Variants in AKAP1 observed in about 807,000 individuals in gnomAD.
AKAP1 encodes A-kinase anchor protein 1, mitochondrial.
In AKAP1, 32 loss-of-function variants were observed where a neutral mutation model predicts 79.8. The ratio of observed to expected loss-of-function variants is 0.40; its 90% CI spans 0.30 to 0.54. The LOEUF (loss-of-function observed/expected upper bound fraction) is 0.54. Ranked by LOEUF, AKAP1 falls within the 20% of genes least tolerant of loss-of-function variation. The pLI, the probability that AKAP1 is intolerant of heterozygous loss-of-function variation, is 0.47. For missense variants in AKAP1, 961 were observed against 1,138.9 expected, an observed-to-expected ratio of 0.84 and a Z score of 2.25; for synonymous variants, 416 against 466.7, an observed-to-expected ratio of 0.89 and a Z score of 1.40.
At chr17:57,097,601 G>T (rs1269192584) in intron 1 of AKAP1, among the ~76,000 whole-genome samples, 2 of 152,218 alleles carry the variant, frequency 1.3e-5, no homozygotes, top group African/African-American at 2.4e-5. Context: ...CTGGGCTTTA[G>T]GTTCTGATTC....
chr17:57,117,507 A>G (rs1048649555), intron 8 of AKAP1, among the ~76,000 whole-genome samples: 1 of 152,170 alleles, frequency 6.6e-6, no homozygotes, highest in Non-Finnish European at 1.5e-5. Context: ...TAGGAATTTT[A>G]TATTTGTAGG....
chr17:57,089,055 C>G (rs1430280964), intron 1 of AKAP1, among the ~76,000 whole-genome samples: 7 of 152,238 alleles, frequency 4.6e-5, no homozygotes, highest in Admixed American at 4.6e-4. Flanking sequence ...CTGGGACTTG[C>G]TGCAGCTCTC....
chr17:57,120,898 A>G lies in AKAP1; in HGVS notation c.*574A>G, dbSNP rs1915885417. 2 of 152,866 alleles carry G rather than the reference A, an allele frequency of 1.3e-5. No individual in the cohort carries two copies. The highest frequency in any genetic ancestry group is 2.9e-5 in the Non-Finnish European group (2 of 68,188). The allele number at this position is 152,866 out of a possible 1,614,324, so 9.5% of individuals were successfully genotyped here. On this transcript the variant is annotated 3_prime_UTR_variant, in exon 11 of 11. Coordinates refer to ENST00000337714, the MANE Select transcript of AKAP1 (RefSeq NM_003488.4). ...TTGCAACTGTAAATATGAAATGGTC[A>G]TCACATCTGACCTTGGTCAGTGGGG...
In AKAP1 at chr17:57,105,476, G is replaced by C; in HGVS notation, c.12G>C (p.Gln4His). ...TTCAAGCCTCCAGGATGGCAATCCA[G>C]TTCCGTTCGCTCTTCCCCTTGGCAT... MAIQFRSLFPLALP... is the reference protein window; with the variant it reads MAIHFRSLFPLALP... Residue 4 changes from glutamine to histidine, a missense_variant, in exon 2 of 11, where the codon CAG (glutamine) becomes CAC (histidine). Physicochemically the swap from Gln to His is conservative, Grantham distance 24. Around this residue, in one of 3 missense-constraint regions of AKAP1, gnomAD observed 108 missense variants for 147.6 expected, o/e 0.73. Coordinates refer to ENST00000337714, the MANE Select transcript of AKAP1 (RefSeq NM_003488.4). 1 of 1,613,960 alleles carries C rather than the reference G, an allele frequency of 6.2e-7. No homozygotes were observed. Among genetic ancestry groups the C allele is most frequent in the South Asian group, 1.1e-5 (1 of 91,066 alleles).
At chr17:57,116,289 A>T (rs764430676) in intron 7 of AKAP1, 28 bp downstream of exon 7, 6 of 1,613,208 alleles carry the variant, frequency 3.7e-6, no homozygotes, top group Non-Finnish European at 4.2e-6. Flanking sequence ...AGGCAGGCCT[A>T]CGCCCTGCTT....
chr17:57,119,520 C>T (rs1915787746), intron 10 of AKAP1, among the ~76,000 whole-genome samples: 1 of 152,082 alleles, frequency 6.6e-6, no homozygotes, highest in Non-Finnish European at 1.5e-5. Context: ...TTGAGACCAG[C>T]CTGGCCAACA....
At chr17:57,099,499 G>A (rs529523872) in intron 1 of AKAP1, among the ~76,000 whole-genome samples, 2 of 152,298 alleles carry the variant, frequency 1.3e-5, no homozygotes, top group African/African-American at 4.8e-5. Flanking sequence ...GGGACATCCT[G>A]GATTCTGTGG....
intron 10 of AKAP1, among the ~76,000 whole-genome samples, chr17:57,119,921 T>A (rs1399295772): frequency 1.4e-5 from 2 of 141,544 alleles, no homozygotes; most frequent in African/African-American, 2.6e-5. Context: ...AACCTCCGCC[T>A]CCGGGGTTCA....
chr17:57,113,006 C>T lies in AKAP1; in HGVS notation c.2103+388C>T, dbSNP rs112112903. The stretch of plus-strand genomic sequence containing the variant: ...GGACTAGAATCATGGGTTTGGATGG[C>T]GCTTGTTCTTTCTTCTGGTTGAGTC... On this transcript the variant is annotated intron_variant, in intron 5 of 10. Coordinates refer to ENST00000337714, the MANE Select transcript of AKAP1 (RefSeq NM_003488.4). Among the ~76,000 whole-genome samples, 9 of 152,278 alleles carry T rather than the reference C, an allele frequency of 5.9e-5. No homozygotes were observed. In the South Asian group the frequency reaches 1.0e-3, roughly 18 times the overall value.
At position 57,105,924 on chromosome 17, in the gene AKAP1, G is replaced by A. The variant is rs757577631; in HGVS notation, c.460G>A (p.Gly154Ser). The part of the protein sequence containing the change: ...PLECPLSSPK[G>S]VLFSSKSAEV... ...AGAGTGCCCCCTTTCATCCCCAAAG[G>A]GTGTACTATTCTCCAGCAAATCAGC... The change falls in exon 2 of 11, where the codon GGT becomes AGT. Residue 154 changes from glycine (G) to serine (S), a missense_variant. By Grantham distance (56) the Gly-to-Ser change is moderately conservative (BLOSUM62 0). Coordinates refer to ENST00000337714, the MANE Select transcript of AKAP1 (RefSeq NM_003488.4). The A allele has an allele frequency of 1.2e-6, 2 of 1,614,226 alleles. No homozygotes were observed. The highest frequency in any genetic ancestry group is 1.7e-6 in the Non-Finnish European group (2 of 1,180,050).
chr17:57,095,884 T>C (rs1010200824), intron 1 of AKAP1: 5 of 152,188 alleles, frequency 3.3e-5, no homozygotes, highest in African/African-American at 4.8e-5. Flanking sequence ...GCACCTGTGT[T>C]GTGACCATCT....
intron 2 of AKAP1, 43 bp from the exon 3 acceptor site, chr17:57,109,982 T>A: frequency 2.5e-6 from 4 of 1,600,762 alleles, no homozygotes; most frequent in Non-Finnish European, 3.4e-6. Flanking sequence ...CTGCTCTGAG[T>A]GGGGTCTGTG....
chr17:57,097,645 G>A (rs545920628), intron 1 of AKAP1, among the ~76,000 whole-genome samples: 1 of 152,360 alleles, frequency 6.6e-6, no homozygotes, highest in South Asian at 2.1e-4. Context: ...AAGGGGAAGA[G>A]TCCCTCAGCA....
intron 6 of AKAP1, among the ~76,000 whole-genome samples, chr17:57,114,882 A>AT (rs964932759): frequency 2.3e-4 from 34 of 146,910 alleles, no homozygotes; most frequent in Admixed American, 6.1e-4. Flanking sequence ...TCTGCCACTA[A>AT]TTTTTTTTTT....
rs115278789 is a variant in AKAP1 at position 57,091,545 on chromosome 17, C to A, written c.-25+6147C>A. Among the ~76,000 whole-genome samples the A allele has an allele frequency of 6.4e-3, 980 of 152,230 alleles. 6 individuals are homozygous for A. The highest frequency in any genetic ancestry group is 0.022 in the African/African-American group (934 of 41,520). ...GGCCCAGCCTGCCTCCTGGTGCAGG[C>A]AGGCATGTGACTGAGGCAGCCCGGG... On this transcript the variant is annotated intron_variant, in intron 1 of 10. Transcript: ENST00000337714.
intron 1 of AKAP1, among the ~76,000 whole-genome samples, chr17:57,103,343 C>T (rs1484296298): frequency 6.6e-6 from 1 of 152,244 alleles, no homozygotes; most frequent in Non-Finnish European, 1.5e-5. Flanking sequence ...CATTCCTTCA[C>T]AAACTGTAAG....
At chr17:57,098,325 TCTGCAGCATC>T (rs1406104944) in intron 1 of AKAP1, 1 of 152,268 alleles carries the variant, frequency 6.6e-6, no homozygotes, top group Non-Finnish European at 1.5e-5. Flanking sequence ...AGGGCAGGGC[TCTGCAGCATC>T]CTTCTGGGAG....
In AKAP1 at chr17:57,086,336, TGTGCCCTA is replaced by T. The variant is rs1232885825; in HGVS notation, c.-25+940_-25+947del. 2.3e-6 allele frequency: 1 copy of T among 437,302 alleles called. No individual in the cohort carries two copies. Among genetic ancestry groups the T allele is most frequent in the East Asian group, 7.3e-5 (1 of 13,692 alleles). 27.1% of individuals were successfully genotyped at this position (437,302 alleles called of 1,614,324 possible). A position where few individuals can be genotyped will look rare whatever the true frequency, so the allele number is the denominator to read the frequency against. ...CGGGCTTTCTGGCGTTCAACTCTTT[TGTGCCCTA>T]GCTGAAGGTCTTCCTGTTTCCCTTC... On this transcript the variant is annotated intron_variant, in intron 1 of 10. Coordinates refer to ENST00000337714, the MANE Select transcript of AKAP1 (RefSeq NM_003488.4). The surrounding 1 kb of genome is among the most constrained non-coding windows in gnomAD (Gnocchi z 5.1).
Position 57,106,320 on chromosome 17 carries a change from C to A in AKAP1, c.856C>A (p.Pro286Thr). Residue 286 changes from proline to threonine, a missense_variant, in exon 2 of 11, where the codon CCA (proline) becomes ACA (threonine). By Grantham distance (38) the Pro-to-Thr change is conservative (BLOSUM62 -1). This residue lies in a region of AKAP1 where 224 missense variants were observed against 210.2 expected (regional missense o/e 1.07). Transcript: ENST00000337714. The part of the protein sequence containing the change: ...HTELAKDDAA[P>T]APPVADAKAQ... ...AGAGCTGGCAAAGGACGATGCGGCGCCAGCACCCCCAGTCGCAGACGCCAA... is the reference window on the plus strand; with the variant it reads ...AGAGCTGGCAAAGGACGATGCGGCGACAGCACCCCCAGTCGCAGACGCCAA... The A allele has an allele frequency of 6.2e-7, 1 of 1,614,112 alleles. No individual in the cohort carries two copies.
Sources: allele counts gnomAD v4.1 joint callset (sites outside exome capture counted in the v4.1 genomes callset), GRCh38; gene constraint gnomAD v4.1.1; regional missense constraint gnomAD v4.1.1; non-coding constraint Gnocchi (gnomAD v3.1); transcripts MANE v1.5; gene names NCBI Gene and HGNC (gene_info 2026-07-23, HGNC 2026-07-21).